KCTD16: variants seen among roughly 807,000 people sequenced by gnomAD.
KCTD16 encodes potassium channel tetramerization domain containing 16.
Under a neutral mutation model 33.2 loss-of-function variants are expected in KCTD16, and 13 were observed. That is an observed-to-expected ratio of 0.39 (90% confidence interval 0.25 to 0.62). KCTD16 has a LOEUF of 0.62. KCTD16 is among the 20% of genes least tolerant of loss of function. The pLI is 0.50. For missense variants in KCTD16, 441 were observed against 525.1 expected, an observed-to-expected ratio of 0.84 and a Z score of 1.57; for synonymous variants, 197 against 195.3, an observed-to-expected ratio of 1.01 and a Z score of -0.07.
intron 3 of KCTD16, among the ~76,000 whole-genome samples, chr5:144,462,041 C>A (rs961382709): frequency 1.3e-5 from 2 of 152,114 alleles, no homozygotes; most frequent in African/African-American, 4.8e-5. Context: ...CATTTGTTTT[C>A]CAGATTCTGC....
At chr5:144,279,358 G>A (rs1312932809) in intron 3 of KCTD16, among the ~76,000 whole-genome samples, 1 of 152,122 alleles carries the variant, frequency 6.6e-6, no homozygotes, top group East Asian at 1.9e-4. Context: ...TGGTAAAAGT[G>A]GATATCCTTA....
chr5:144,345,178 G>A lies in KCTD16; in HGVS notation c.833-128482G>A, dbSNP rs1007912707. Reference sequence around the variant, plus strand: ...AATGAGAACACATGGACACAGGAAGGGGAACATCACACTCTGGGGACTGTT... The same window carrying A: ...AATGAGAACACATGGACACAGGAAGAGGAACATCACACTCTGGGGACTGTT... On this transcript the variant is annotated intron_variant, in intron 3 of 3. Transcript: ENST00000512467. Among the ~76,000 whole-genome samples, 6 of 145,972 alleles carry A rather than the reference G, an allele frequency of 4.1e-5. No individual in the cohort carries two copies. In the East Asian group the frequency reaches 1.3e-3, roughly 30 times the overall value.
At chr5:144,340,419 A>C (rs1346877766) in intron 3 of KCTD16, among the ~76,000 whole-genome samples, 1 of 151,380 alleles carries the variant, frequency 6.6e-6, no homozygotes, top group Non-Finnish European at 1.5e-5. Context: ...AAAAAAAAAA[A>C]AAAAATCATG....
chr5:144,340,401 CAAAAAA>C (rs1208475292), intron 3 of KCTD16, among the ~76,000 whole-genome samples: 1 of 48,252 alleles, frequency 2.1e-5, no homozygotes, highest in Non-Finnish European at 4.8e-5. Flanking sequence ...GACTCCATCT[CAAAAAA>C]AAAAAAAAAA....
chr5:144,285,026 A>T (rs1425595715), intron 3 of KCTD16, among the ~76,000 whole-genome samples: 2 of 152,198 alleles, frequency 1.3e-5, no homozygotes, highest in Non-Finnish European at 2.9e-5. Context: ...TTGGAGACAG[A>T]AATTGCTTCA....
intron 3 of KCTD16, among the ~76,000 whole-genome samples, chr5:144,208,362 G>T (rs1753257081): frequency 6.6e-6 from 1 of 152,162 alleles, no homozygotes; most frequent in Non-Finnish European, 1.5e-5. Context: ...CAGTTCATTT[G>T]CTTAAATGAA....
At chr5:144,280,424 C>G (rs999075607) in intron 3 of KCTD16, among the ~76,000 whole-genome samples, 1 of 152,052 alleles carries the variant, frequency 6.6e-6, no homozygotes, top group Non-Finnish European at 1.5e-5. Context: ...TTTTAACTGG[C>G]ACATTTTATC....
chr5:144,286,928 G>A (rs965395542), intron 3 of KCTD16, among the ~76,000 whole-genome samples: 6 of 152,242 alleles, frequency 3.9e-5, no homozygotes, highest in South Asian at 4.1e-4. Context: ...TATGTACCAG[G>A]TATGATTCTA....
chr5:144,286,332 AT>A (rs1755745523), intron 3 of KCTD16, among the ~76,000 whole-genome samples: 1 of 152,220 alleles, frequency 6.6e-6, no homozygotes, highest in African/African-American at 2.4e-5. Flanking sequence ...CATCACTGTA[AT>A]TTCTACTGTC....
chr5:144,176,498 G>A (rs1001502125), intron 2 of KCTD16, among the ~76,000 whole-genome samples: 2 of 148,648 alleles, frequency 1.3e-5, no homozygotes, highest in Admixed American at 1.4e-4. Flanking sequence ...CGCTTCCCGG[G>A]TTCACGCCAT....
At chr5:144,412,298 A>G (rs1050287552) in intron 3 of KCTD16, among the ~76,000 whole-genome samples, 3 of 152,238 alleles carry the variant, frequency 2.0e-5, no homozygotes, top group African/African-American at 7.2e-5. Context: ...GTAAATGGAT[A>G]AAGAAATGTG....
intron 3 of KCTD16, among the ~76,000 whole-genome samples, chr5:144,298,964 C>G (rs1263027288): frequency 7.0e-6 from 1 of 142,576 alleles, no homozygotes; most frequent in Non-Finnish European, 1.5e-5. Flanking sequence ...AATAAAGTCT[C>G]GGGAATGGGG....
At chr5:144,215,571 C>T (rs1753539323) in intron 3 of KCTD16, among the ~76,000 whole-genome samples, 1 of 152,200 alleles carries the variant, frequency 6.6e-6, no homozygotes, top group Non-Finnish European at 1.5e-5. Flanking sequence ...GATACATGAT[C>T]ATTAGCAAAT....
At chr5:144,312,896 A>G (rs1751803302) in intron 3 of KCTD16, among the ~76,000 whole-genome samples, 1 of 152,228 alleles carries the variant, frequency 6.6e-6, no homozygotes, top group South Asian at 2.1e-4. Flanking sequence ...GATTCTTAAG[A>G]AAAGCTGTCA....
intron 3 of KCTD16, among the ~76,000 whole-genome samples, chr5:144,299,128 ATATATATATATATATATATATTTTTTTTT>A (rs1756161941): frequency 3.6e-5 from 1 of 27,412 alleles, no homozygotes; most frequent in African/African-American, 2.3e-4. Flanking sequence ...ATATATATAT[ATATATATATATATATATATATTTTTTTTT>A]TTTTTTTTAA....
At chr5:144,241,643 T>A (rs1481900420) in intron 3 of KCTD16, among the ~76,000 whole-genome samples, 1 of 152,188 alleles carries the variant, frequency 6.6e-6, no homozygotes, top group Non-Finnish European at 1.5e-5. Context: ...TGATCTGAAA[T>A]GAATTGTAAG....
At chr5:144,171,131 G>A (rs1354993890) in intron 1 of KCTD16, 122 bp downstream of exon 1, 1 of 152,216 alleles carries the variant, frequency 6.6e-6, no homozygotes, top group East Asian at 1.9e-4. Context: ...GTAAATATAA[G>A]CTAGGTGACA....
chr5:144,321,297 G>A (rs960354675), intron 3 of KCTD16, among the ~76,000 whole-genome samples: 12 of 152,080 alleles, frequency 7.9e-5, no homozygotes, highest in Non-Finnish European at 1.6e-4. Flanking sequence ...CACCTGCTTC[G>A]AAATCACCTA....
At chr5:144,216,286 T>G (rs1024123274) in intron 3 of KCTD16, among the ~76,000 whole-genome samples, 1 of 152,204 alleles carries the variant, frequency 6.6e-6, no homozygotes, top group East Asian at 1.9e-4. Flanking sequence ...AGCTGTGTTA[T>G]GTGGCATTCA....
Sources: allele counts gnomAD v4.1 joint callset (sites outside exome capture counted in the v4.1 genomes callset), GRCh38; gene constraint gnomAD v4.1.1; transcripts MANE v1.5; gene names NCBI Gene and HGNC (gene_info 2026-07-23, HGNC 2026-07-21).